HIVEP3: variants seen among roughly 807,000 people sequenced by gnomAD.
HIVEP3 encodes the protein HIVEP zinc finger 3.
A neutral mutation model predicts 152.8 loss-of-function variants in HIVEP3; 49 were observed. That is an observed-to-expected ratio of 0.32 (90% CI 0.26 to 0.41). The LOEUF is 0.41. HIVEP3 is among the 10% of genes least tolerant of loss of function. The pLI is 1.00. For synonymous variants in HIVEP3, 1,269 were observed against 1,289.0 expected, an observed-to-expected ratio of 0.98 and a Z score of 0.33; for missense variants, 2,790 against 3,103.3, an observed-to-expected ratio of 0.90 and a Z score of 2.40.
intron 1 of HIVEP3, among the ~76,000 whole-genome samples, chr1:41,840,067 T>G (rs139980419): frequency 6.6e-6 from 1 of 152,118 alleles, no homozygotes; most frequent in Non-Finnish European, 1.5e-5. Flanking sequence ...CTGCCTAAAC[T>G]GTTTGGGAAT....
intron 1 of HIVEP3, among the ~76,000 whole-genome samples, chr1:41,742,225 T>A (rs1005661059): frequency 6.6e-6 from 1 of 152,180 alleles, no homozygotes; most frequent in Non-Finnish European, 1.5e-5. Context: ...CTGCCATCTA[T>A]CTGTCCAACC....
intron 1 of HIVEP3, among the ~76,000 whole-genome samples, chr1:42,015,560 A>C (rs1345115626): frequency 6.6e-6 from 1 of 152,216 alleles, no homozygotes. Flanking sequence ...TCTTCTCACC[A>C]AGGACAATAT....
intron 2 of HIVEP3, among the ~76,000 whole-genome samples, chr1:41,658,490 C>T (rs145002544): frequency 0.016 from 2,473 of 152,294 alleles, 32 homozygotes; most frequent in Non-Finnish European, 0.021. Context: ...CTCTTAGCTC[C>T]GAGTTCCTCA....
intron 1 of HIVEP3, among the ~76,000 whole-genome samples, chr1:42,023,684 T>C (rs192702389): frequency 1.4e-4 from 22 of 152,242 alleles, no homozygotes; most frequent in Non-Finnish European, 2.9e-4. Context: ...TTGGGCTCTG[T>C]GACATGCCTG....
intron 2 of HIVEP3, among the ~76,000 whole-genome samples, chr1:41,679,177 C>T (rs1248806063): frequency 6.6e-6 from 1 of 152,216 alleles, no homozygotes; most frequent in Non-Finnish European, 1.5e-5. Context: ...CTTTTCTTCT[C>T]ACCTCCCCAA....
At chr1:41,585,514 C>A (rs909514223) in intron 3 of HIVEP3, among the ~76,000 whole-genome samples, 196 bp from the exon 4 acceptor site, 1 of 152,152 alleles carries the variant, frequency 6.6e-6, no homozygotes, top group South Asian at 2.1e-4. Context: ...ATTCTTTCCT[C>A]CCCCGCTCCC....
At chr1:41,842,683 G>C (rs1189951649) in intron 1 of HIVEP3, among the ~76,000 whole-genome samples, 1 of 152,156 alleles carries the variant, frequency 6.6e-6, no homozygotes, top group Admixed American at 6.5e-5. Context: ...AGAGAAAAGA[G>C]AGCAGAAAGA....
Position 41,905,344 on chromosome 1 carries a change from A to G in HIVEP3, c.-801+13069T>C, listed in dbSNP as rs572458160. Among the ~76,000 whole-genome samples the G allele has an allele frequency of 4.1e-3, 621 of 152,340 alleles. 7 individuals are homozygous for G. The highest frequency in any genetic ancestry group is 0.015 in the African/African-American group (605 of 41,576). On this transcript the variant is annotated intron_variant, in intron 1 of 8. Coordinates refer to ENST00000372583, the MANE Select transcript of HIVEP3 (RefSeq NM_024503.5). ...AGCACTCTCCATGCAGTGTTAAGGC[A>G]GTGCTTATCATCCAGTGGGAACTGG...
intron 5 of HIVEP3, among the ~76,000 whole-genome samples, chr1:41,551,279 A>G (rs572349018): frequency 6.6e-6 from 1 of 152,098 alleles, no homozygotes; most frequent in South Asian, 2.1e-4. Flanking sequence ...TCAGTTTGCC[A>G]GTATTTTATT....
intron 1 of HIVEP3, among the ~76,000 whole-genome samples, chr1:41,924,757 G>T (rs576139806): frequency 1.3e-5 from 2 of 152,308 alleles, no homozygotes; most frequent in Non-Finnish European, 2.9e-5. Context: ...TCCTTATGCA[G>T]CTGTAGTCTC....
intron 2 of HIVEP3, among the ~76,000 whole-genome samples, chr1:41,678,534 G>A (rs942591248): frequency 2.6e-5 from 4 of 151,036 alleles, no homozygotes; most frequent in African/African-American, 7.4e-5. Context: ...CCTCCGGCTC[G>A]CGCTCCTCTC....
chr1:41,738,336 C>A (rs1320780044), intron 1 of HIVEP3, among the ~76,000 whole-genome samples: 1 of 152,190 alleles, frequency 6.6e-6, no homozygotes, highest in Non-Finnish European at 1.5e-5. Context: ...TTTCTCAATC[C>A]AGGTGGCGGC....
chr1:41,709,155 G>A (rs997265748), intron 1 of HIVEP3, among the ~76,000 whole-genome samples: 6 of 152,222 alleles, frequency 3.9e-5, no homozygotes, highest in African/African-American at 1.4e-4. Flanking sequence ...TGGAGGTGAG[G>A]CTGGCCAACG....
At chr1:41,617,112 T>G (rs1212963188) in intron 3 of HIVEP3, among the ~76,000 whole-genome samples, 1 of 152,218 alleles carries the variant, frequency 6.6e-6, no homozygotes, top group Non-Finnish European at 1.5e-5. Flanking sequence ...GTCTCAATCT[T>G]GTTACAGCTG....
chr1:41,952,477 C>A (rs115048795), intron 1 of HIVEP3, among the ~76,000 whole-genome samples: 4 of 152,092 alleles, frequency 2.6e-5, no homozygotes, highest in Non-Finnish European at 5.9e-5. Flanking sequence ...GCCTGCGAGG[C>A]CCTTCAAGTG....
chr1:41,878,002 G>A (rs1327191249), intron 1 of HIVEP3, among the ~76,000 whole-genome samples: 1 of 152,134 alleles, frequency 6.6e-6, no homozygotes, highest in Non-Finnish European at 1.5e-5. Flanking sequence ...ATAAATTGGA[G>A]ACAGGAAACA....
intron 1 of HIVEP3, among the ~76,000 whole-genome samples, chr1:41,711,713 C>T (rs1269242239): frequency 6.6e-6 from 1 of 152,206 alleles, no homozygotes; most frequent in East Asian, 1.9e-4. Flanking sequence ...AGCTGGCTGT[C>T]TCCCGATGCC....
At chr1:41,837,676 T>C (rs1290528754) in intron 1 of HIVEP3, among the ~76,000 whole-genome samples, 4 of 152,214 alleles carry the variant, frequency 2.6e-5, no homozygotes, top group African/African-American at 9.6e-5. Flanking sequence ...ATTGCCCTGT[T>C]CACTTACCTG....
At chr1:42,023,703 T>C (rs1645567115) in intron 1 of HIVEP3, among the ~76,000 whole-genome samples, 1 of 152,094 alleles carries the variant, frequency 6.6e-6, no homozygotes, top group Non-Finnish European at 1.5e-5. Context: ...TGCTCCTCCT[T>C]CACCTTCCGC....
Sources: gnomAD v4.1 joint callset for allele counts (sites outside exome capture counted in the v4.1 genomes callset) on GRCh38, gnomAD v4.1.1 for gene constraint, MANE v1.5 for transcripts, NCBI Gene and HGNC (gene_info 2026-07-23, HGNC 2026-07-21) for gene names.